MLLT3: variants seen among roughly 807,000 people sequenced by gnomAD.
The protein encoded by MLLT3 is protein AF-9.
A neutral mutation model predicts 53.2 loss-of-function variants in MLLT3; 4 were observed. The observed-to-expected ratio is 0.08, with a 90% confidence interval of 0.04 to 0.17. The LOEUF is 0.17. Among genes scored for constraint, MLLT3 ranks in the 10% least tolerant of loss-of-function variants. The pLI is 1.00. For synonymous variants in MLLT3, 283 were observed against 230.6 expected (o/e 1.23, Z -2.06); for missense variants, 569 against 684.0 (o/e 0.83, Z 1.87).
intron 2 of MLLT3, among the ~76,000 whole-genome samples, chr9:20,538,889 T>C (rs180903386): frequency 1.3e-5 from 2 of 152,378 alleles, no homozygotes; most frequent in African/African-American, 4.8e-5. Flanking sequence ...ATAAAAGTTA[T>C]GTTTATACTA....
chr9:20,352,133 A>G (rs988509385), intron 10 of MLLT3, among the ~76,000 whole-genome samples: 3 of 152,258 alleles, frequency 2.0e-5, no homozygotes, highest in South Asian at 2.1e-4. Flanking sequence ...GCGAATGCCA[A>G]TGACACCCCA....
intron 2 of MLLT3, among the ~76,000 whole-genome samples, chr9:20,542,918 C>T (rs917526173): frequency 1.1e-4 from 16 of 152,330 alleles, no homozygotes; most frequent in African/African-American, 3.4e-4. Flanking sequence ...GCAGCTTCTA[C>T]GTCAGCACTT....
At chr9:20,612,618 C>A (rs1270401447) in intron 2 of MLLT3, among the ~76,000 whole-genome samples, 1 of 151,744 alleles carries the variant, frequency 6.6e-6, no homozygotes, top group Non-Finnish European at 1.5e-5. Context: ...AAATGACAAG[C>A]AACCCAATCT....
intron 2 of MLLT3, among the ~76,000 whole-genome samples, chr9:20,488,315 T>C (rs1824864051): frequency 6.6e-6 from 1 of 152,070 alleles, no homozygotes; most frequent in South Asian, 2.1e-4. Context: ...TGAATATGCT[T>C]AATGACACTG....
intron 2 of MLLT3, among the ~76,000 whole-genome samples, chr9:20,520,787 G>T (rs144836543): frequency 1.3e-5 from 2 of 152,256 alleles, no homozygotes; most frequent in Admixed American, 1.3e-4. Flanking sequence ...AAGGCACAGG[G>T]ACAGGAAAAT....
At chr9:20,532,884 A>C (rs943000962) in intron 2 of MLLT3, 42 of 255,008 alleles carry the variant, frequency 1.6e-4, no homozygotes, top group Admixed American at 8.6e-4. Context: ...GCAAGACAAG[A>C]AGCAGAGCTT....
At chr9:20,565,506 C>T (rs899203447) in intron 2 of MLLT3, among the ~76,000 whole-genome samples, 1 of 152,036 alleles carries the variant, frequency 6.6e-6, no homozygotes, top group South Asian at 2.1e-4. Flanking sequence ...GTCCTCCCCA[C>T]TCTCATAATC....
chr9:20,501,280 T>C (rs529473814), intron 2 of MLLT3, among the ~76,000 whole-genome samples: 3 of 152,330 alleles, frequency 2.0e-5, no homozygotes, highest in East Asian at 3.9e-4. Context: ...TAAATATTGA[T>C]GGAACACTGA....
intron 2 of MLLT3, among the ~76,000 whole-genome samples, chr9:20,496,176 C>T (rs1490670677): frequency 6.6e-6 from 1 of 152,178 alleles, no homozygotes. Flanking sequence ...ACAATCATTG[C>T]CTTGTTCTAA....
intron 5 of MLLT3, among the ~76,000 whole-genome samples, chr9:20,381,104 C>T (rs1821897858): frequency 6.6e-6 from 1 of 151,920 alleles, no homozygotes; most frequent in Non-Finnish European, 1.5e-5. Context: ...TCTGTTTTCT[C>T]TGAAATTGTG....
At chr9:20,577,841 G>A (rs1819692578) in intron 2 of MLLT3, among the ~76,000 whole-genome samples, 1 of 152,176 alleles carries the variant, frequency 6.6e-6, no homozygotes, top group East Asian at 1.9e-4. Flanking sequence ...ATGGAAGACT[G>A]CTCATGTGTT....
At chr9:20,564,430 A>C (rs1423276868) in intron 2 of MLLT3, among the ~76,000 whole-genome samples, 1 of 152,134 alleles carries the variant, frequency 6.6e-6, no homozygotes, top group Non-Finnish European at 1.5e-5. Flanking sequence ...GTATGTTTTT[A>C]AGTGTGTCTA....
intron 2 of MLLT3, among the ~76,000 whole-genome samples, chr9:20,546,004 G>GC (rs1241720126): frequency 6.6e-6 from 1 of 152,030 alleles, no homozygotes; most frequent in Non-Finnish European, 1.5e-5. Context: ...GGGCAGCACA[G>GC]CAAGATCTCA....
chr9:20,530,414 C>A (rs1818301224), intron 2 of MLLT3, among the ~76,000 whole-genome samples: 1 of 152,042 alleles, frequency 6.6e-6, no homozygotes, highest in Non-Finnish European at 1.5e-5. Flanking sequence ...AAATGTATGG[C>A]CAGTGGAAAA....
intron 2 of MLLT3, among the ~76,000 whole-genome samples, chr9:20,529,724 C>CTTTTT (rs5896896): frequency 1.6e-3 from 121 of 76,328 alleles, no homozygotes; most frequent in Middle Eastern, 9.3e-3. Context: ...TAATCCAATC[C>CTTTTT]TTTTTTTTTT....
At position 20,344,769 on chromosome 9, in the gene MLLT3, A is replaced by G. The variant is rs1198577056; in HGVS notation, c.*1674T>C. The G allele has an allele frequency of 9.7e-6, 2 of 206,662 alleles. No individual in the cohort carries two copies. Among genetic ancestry groups the G allele is most frequent in the South Asian group, 1.9e-4 (1 of 5,282 alleles). 12.8% of individuals were successfully genotyped at this position (206,662 alleles called of 1,614,324 possible). A position where few individuals can be genotyped will look rare whatever the true frequency, so the allele number is the denominator to read the frequency against. On this transcript the variant is annotated 3_prime_UTR_variant, in exon 11 of 11. Transcript: ENST00000380338. ...AACTCCATTATCAATCTGCATTTAT[A>G]TAACTGCCCAAAAGAATGGGTCTGG...
At chr9:20,471,370 T>C (rs1169686200) in intron 2 of MLLT3, among the ~76,000 whole-genome samples, 1 of 152,018 alleles carries the variant, frequency 6.6e-6, no homozygotes, top group Non-Finnish European at 1.5e-5. Flanking sequence ...GAATTTGAAA[T>C]ATTCAGAAAG....
At chr9:20,507,957 T>C (rs531802561) in intron 2 of MLLT3, among the ~76,000 whole-genome samples, 2 of 152,064 alleles carry the variant, frequency 1.3e-5, no homozygotes, top group Admixed American at 6.6e-5. Flanking sequence ...GCAGTTTACA[T>C]GAGGGGAGAG....
In MLLT3 at chr9:20,344,036, G is replaced by A. The variant is rs1393795116; in HGVS notation, c.*2407C>T. Reference sequence around the variant, plus strand: ...TACTTTGCTATCTTGATGAGTAGAAGATGGATAAGTTTTTCTGAACTTTAT... The same window carrying A: ...TACTTTGCTATCTTGATGAGTAGAAAATGGATAAGTTTTTCTGAACTTTAT... On this transcript the variant is annotated 3_prime_UTR_variant, in exon 11 of 11. Transcript: ENST00000380338. 3 of 201,840 alleles carry A rather than the reference G, an allele frequency of 1.5e-5. No homozygotes were observed. Among genetic ancestry groups the A allele is most frequent in the Admixed American group, 6.0e-5 (1 of 16,640 alleles). The allele number at this position is 201,840 out of a possible 1,614,324, so 12.5% of individuals were successfully genotyped here.
Sources: allele counts gnomAD v4.1 joint callset (sites outside exome capture counted in the v4.1 genomes callset), GRCh38; gene constraint gnomAD v4.1.1; transcripts MANE v1.5; gene names NCBI Gene and HGNC (gene_info 2026-07-23, HGNC 2026-07-21).